The following COL8A1 variants were observed in gnomAD, a reference collection of about 807,000 sequenced individuals.
COL8A1 encodes the protein collagen alpha-1(VIII) chain.
A neutral mutation model predicts 42.7 loss-of-function variants in COL8A1; 21 were observed. The observed-to-expected ratio is 0.49, with a 90% CI of 0.35 to 0.71. COL8A1 has a LOEUF of 0.71. COL8A1 is among the 30% of genes least tolerant of loss of function. The pLI is 0.01. For synonymous variants in COL8A1, 367 were observed against 369.1 expected (o/e 0.99, Z 0.06); for missense variants, 788 against 962.4 (o/e 0.82, Z 2.40).
intron 1 of COL8A1, among the ~76,000 whole-genome samples, chr3:99,692,810 A>G (rs1299488576): frequency 6.6e-6 from 1 of 152,198 alleles, no homozygotes; most frequent in East Asian, 1.9e-4. Context: ...CATATTACTC[A>G]GGTGTTTGTG....
chr3:99,662,337 A>G (rs1300582129), intron 1 of COL8A1, among the ~76,000 whole-genome samples: 1 of 151,306 alleles, frequency 6.6e-6, no homozygotes, highest in Non-Finnish European at 1.5e-5. Flanking sequence ...AGCCGACATC[A>G]CGCCACTGCA....
At chr3:99,761,559 G>A (rs1347585834) in intron 2 of COL8A1, among the ~76,000 whole-genome samples, 2 of 152,208 alleles carry the variant, frequency 1.3e-5, no homozygotes, top group African/African-American at 2.4e-5. Context: ...TTCGCAGCCT[G>A]TGTTGAAGCT....
intron 2 of COL8A1, among the ~76,000 whole-genome samples, chr3:99,781,039 C>T (rs931489209): frequency 6.6e-6 from 1 of 152,060 alleles, no homozygotes; most frequent in Non-Finnish European, 1.5e-5. Flanking sequence ...CTGTGGCTGA[C>T]GATTTATCAC....
intron 2 of COL8A1, among the ~76,000 whole-genome samples, chr3:99,789,936 C>A (rs1042917151): frequency 6.6e-6 from 1 of 152,154 alleles, no homozygotes; most frequent in Admixed American, 6.6e-5. Context: ...CATGAAGAAG[C>A]ATTTTCTCTT....
chr3:99,718,878 A>C (rs184209403), intron 1 of COL8A1, among the ~76,000 whole-genome samples: 1 of 152,216 alleles, frequency 6.6e-6, no homozygotes, highest in Admixed American at 6.6e-5. Context: ...GCTTCATCTT[A>C]TTTAGCATGA....
chr3:99,660,246 G>A (rs1028357803), intron 1 of COL8A1, among the ~76,000 whole-genome samples: 1 of 152,166 alleles, frequency 6.6e-6, no homozygotes, highest in Admixed American at 6.5e-5. Flanking sequence ...TCAGTGTAGG[G>A]ACCTCATATG....
chr3:99,761,193 C>T (rs1175184699), intron 2 of COL8A1, among the ~76,000 whole-genome samples: 2 of 152,158 alleles, frequency 1.3e-5, no homozygotes, highest in African/African-American at 2.4e-5. Context: ...AAACACTATA[C>T]GTCTGATATA....
At chr3:99,676,329 A>G (rs1193203584) in intron 1 of COL8A1, among the ~76,000 whole-genome samples, 2 of 152,180 alleles carry the variant, frequency 1.3e-5, no homozygotes, top group Admixed American at 1.3e-4. Context: ...TTAGCACAGC[A>G]TAATCTTGAT....
chr3:99,662,940 C>G (rs1432854705), intron 1 of COL8A1, among the ~76,000 whole-genome samples: 1 of 152,142 alleles, frequency 6.6e-6, no homozygotes, highest in Non-Finnish European at 1.5e-5. Flanking sequence ...AATGGTATCT[C>G]TGATCCGGAT....
intron 1 of COL8A1, among the ~76,000 whole-genome samples, chr3:99,688,905 C>T (rs1939140240): frequency 6.6e-6 from 1 of 152,040 alleles, no homozygotes; most frequent in African/African-American, 2.4e-5. Context: ...GTTTTAGAAA[C>T]ATCCCTGGAC....
intron 2 of COL8A1, among the ~76,000 whole-genome samples, chr3:99,747,572 AGAG>A (rs1404807297): frequency 6.6e-6 from 1 of 152,246 alleles, no homozygotes; most frequent in East Asian, 1.9e-4. Flanking sequence ...GGAAATAAAT[AGAG>A]TGGGGAAACC....
chr3:99,781,625 C>A (rs1053476999), intron 2 of COL8A1, among the ~76,000 whole-genome samples: 2 of 152,176 alleles, frequency 1.3e-5, no homozygotes, highest in Non-Finnish European at 2.9e-5. Context: ...CCACATCTCT[C>A]CCTTGCAAAA....
At chr3:99,733,567 G>C (rs1940595294) in intron 1 of COL8A1, among the ~76,000 whole-genome samples, 1 of 151,960 alleles carries the variant, frequency 6.6e-6, no homozygotes, top group South Asian at 2.1e-4. Flanking sequence ...GTTTGGGTTG[G>C]GTCCAAGTCT....
At chr3:99,766,991 A>T (rs1380389589) in intron 2 of COL8A1, among the ~76,000 whole-genome samples, 1 of 151,850 alleles carries the variant, frequency 6.6e-6, no homozygotes, top group South Asian at 2.1e-4. Context: ...GGGGACTCTC[A>T]TGATATTGCA....
At chr3:99,709,887 G>A (rs2036985) in intron 1 of COL8A1, among the ~76,000 whole-genome samples, 5,726 of 152,228 alleles carry the variant, frequency 0.038, 356 homozygotes, top group African/African-American at 0.13. Flanking sequence ...AGATAGTGAC[G>A]CATAAGGAAA....
chr3:99,733,527 T>C (rs1451966828), intron 1 of COL8A1, among the ~76,000 whole-genome samples: 1 of 151,862 alleles, frequency 6.6e-6, no homozygotes, highest in Non-Finnish European at 1.5e-5. Flanking sequence ...ATGTGCCACA[T>C]TTTCTTAATC....
At chr3:99,665,619 T>A (rs1938341792) in intron 1 of COL8A1, among the ~76,000 whole-genome samples, 1 of 151,758 alleles carries the variant, frequency 6.6e-6, no homozygotes, top group Non-Finnish European at 1.5e-5. Context: ...GGGGCTAGCA[T>A]AGTGCCTTGT....
intron 1 of COL8A1, among the ~76,000 whole-genome samples, chr3:99,708,679 G>A (rs1307086513): frequency 1.3e-5 from 2 of 151,964 alleles, no homozygotes; most frequent in Admixed American, 1.3e-4. Context: ...TGCTGGATAG[G>A]GCCCCACAAG....
intron 1 of COL8A1, among the ~76,000 whole-genome samples, chr3:99,716,993 T>C: frequency 6.6e-6 from 1 of 151,978 alleles, no homozygotes; most frequent in East Asian, 1.9e-4. Flanking sequence ...AGGCCTGTGT[T>C]AAATGTTAGC....
Sources: gnomAD v4.1 joint callset for allele counts (sites outside exome capture counted in the v4.1 genomes callset) on GRCh38, gnomAD v4.1.1 for gene constraint, MANE v1.5 for transcripts, NCBI Gene and HGNC (gene_info 2026-07-23, HGNC 2026-07-21) for gene names.